Variants in PPIA observed in about 807,000 individuals in gnomAD.
PPIA encodes the protein peptidyl-prolyl cis-trans isomerase A.
In PPIA, 2 loss-of-function variants were observed where a neutral mutation model predicts 15.3. That is an observed-to-expected ratio of 0.13 (90% CI 0.05 to 0.41). The LOEUF (loss-of-function observed/expected upper bound fraction) is 0.41, where lower values mean the gene tolerates loss of function less well. Among genes scored for constraint, PPIA ranks in the 10% least tolerant of loss-of-function variants. The pLI is 0.99. For missense variants in PPIA, 103 were observed against 210.3 expected, an observed-to-expected ratio of 0.49 and a Z score of 3.16; for synonymous variants, 67 against 73.1, an observed-to-expected ratio of 0.92 and a Z score of 0.43.
At chr7:44,799,346 T>C in intron 2 of PPIA, 46 bp from the exon 3 acceptor site, 2 of 1,599,888 alleles carry the variant, frequency 1.3e-6, no homozygotes, top group Non-Finnish European at 1.7e-6. Flanking sequence ...TGTGTATATA[T>C]ATATTTTTAT....
intron 1 of PPIA, among the ~76,000 whole-genome samples, chr7:44,797,157 C>G (rs943961750): frequency 6.6e-6 from 1 of 152,204 alleles, no homozygotes; most frequent in Non-Finnish European, 1.5e-5. Context: ...GCCTGGGCGC[C>G]GCAGACCGGA....
chr7:44,801,189 A>T, intron 4 of PPIA, 98 bp from the exon 5 acceptor site: 2 of 912,904 alleles, frequency 2.2e-6, no homozygotes, highest in East Asian at 1.4e-4. Flanking sequence ...CTTCAGTTAA[A>T]AAAAAAAAAA....
intron 4 of PPIA, chr7:44,800,161 T>C (rs1562771602): frequency 2.3e-6 from 1 of 436,802 alleles, no homozygotes; most frequent in Non-Finnish European, 4.2e-6. Context: ...CAATCTGGGC[T>C]CACTGCAACC....
In PPIA at chr7:44,799,972, C is replaced by G. The variant is rs548855403; in HGVS notation, c.362+98C>G. ...TACTTTTCTTCAACCTTTGCTTCCA[C>G]AGACTTTTTCATCCCTAAGATACTA... On this transcript the variant is annotated intron_variant, in intron 4 of 4. Coordinates refer to ENST00000468812, the MANE Select transcript of PPIA (RefSeq NM_021130.5). 4.2e-5 allele frequency: 52 copies of G among 1,245,138 alleles called. No individual in the cohort carries two copies. The African/African-American group carries it at 6.5e-4, about 16-fold the overall frequency. The allele number at this position is 1,245,138 out of a possible 1,614,324, so 77.1% of individuals were successfully genotyped here. A position where few individuals can be genotyped will look rare whatever the true frequency, so the allele number is the denominator to read the frequency against.
intron 4 of PPIA, among the ~76,000 whole-genome samples, chr7:44,800,967 G>A (rs1323645412): frequency 6.6e-6 from 1 of 151,920 alleles, no homozygotes; most frequent in African/African-American, 2.4e-5. Flanking sequence ...ATAGGCACAC[G>A]CCACCATGCC....
chr7:44,800,078 C>T (rs1311406728), intron 4 of PPIA: 2 of 613,504 alleles, frequency 3.3e-6, no homozygotes, highest in Non-Finnish European at 5.5e-6. Flanking sequence ...TGGCCCTTAG[C>T]TGGGTGGTTG....
At chr7:44,799,205 C>T (rs746149212) in intron 1 of PPIA, 42 bp from the exon 2 acceptor site, 251 of 1,604,216 alleles carry the variant, frequency 1.6e-4, no homozygotes, top group Non-Finnish European at 1.9e-4. Flanking sequence ...TACTAAGCAA[C>T]AAAATAAGCA....
intron 4 of PPIA, among the ~76,000 whole-genome samples, chr7:44,800,859 C>T (rs535135235): frequency 6.6e-6 from 1 of 152,038 alleles, no homozygotes; most frequent in Non-Finnish European, 1.5e-5. Flanking sequence ...GCTCTGTCGC[C>T]CAGGCTGGAG....
Position 44,799,713 on chromosome 7 carries a change from C to G in PPIA, c.201C>G (p.Phe67Leu). Residue 67 changes from phenylalanine (F) to leucine (L), a missense_variant, in exon 4 of 5, where the codon TTC (phenylalanine) becomes TTG (leucine). Phe to Leu is a conservative substitution (Grantham distance 22). Coordinates refer to ENST00000468812, the MANE Select transcript of PPIA (RefSeq NM_021130.5). ...IPGFMCQGGDFTRHNGTGGKS... is the reference protein window; with the variant it reads ...IPGFMCQGGDLTRHNGTGGKS... Reference sequence around the variant, plus strand: ...CTATATGTTGACAGGGTGGTGACTTCACACGCCATAATGGCACTGGTGGCA... The same window carrying G: ...CTATATGTTGACAGGGTGGTGACTTGACACGCCATAATGGCACTGGTGGCA... The G allele has an allele frequency of 6.2e-7, 1 of 1,613,968 alleles. No homozygotes were observed. The highest frequency in any genetic ancestry group is 8.5e-7 in the Non-Finnish European group (1 of 1,179,890).
chr7:44,801,880 T>C lies in PPIA; in HGVS notation c.*458T>C, dbSNP rs1331749511. ...CTGAGGGTAGGAGTCAAGATCAGCC[T>C]GGGCAACATAGTGAGACGCTGTCTC... On this transcript the variant is annotated 3_prime_UTR_variant, in exon 5 of 5. Coordinates refer to ENST00000468812, the MANE Select transcript of PPIA (RefSeq NM_021130.5). The C allele has an allele frequency of 5.8e-6, 1 of 171,034 alleles. No individual in the cohort carries two copies. The highest frequency in any genetic ancestry group is 2.4e-5 in the African/African-American group (1 of 41,544). The allele number at this position is 171,034 out of a possible 1,614,324, so 10.6% of individuals were successfully genotyped here. A position where few individuals can be genotyped will look rare whatever the true frequency, so the allele number is the denominator to read the frequency against.
chr7:44,799,660 G>A, intron 3 of PPIA, 42 bp from the exon 4 acceptor site: 1 of 1,611,648 alleles, frequency 6.2e-7, no homozygotes, highest in Non-Finnish European at 8.5e-7. Context: ...CACACTTCAT[G>A]GTTATGTTGT....
Position 44,801,873 on chromosome 7 carries a change from A to T in PPIA, c.*451A>T, listed in dbSNP as rs1460689190. On this transcript the variant is annotated 3_prime_UTR_variant, in exon 5 of 5. Transcript: ENST00000468812. ...AGACCACCTGAGGGTAGGAGTCAAG[A>T]TCAGCCTGGGCAACATAGTGAGACG... 1 of 173,512 alleles carries T rather than the reference A, an allele frequency of 5.8e-6. No homozygotes were observed. Among genetic ancestry groups the T allele is most frequent in the Non-Finnish European group, 1.2e-5 (1 of 81,758 alleles). The allele number at this position is 173,512 out of a possible 1,614,324, so 10.7% of individuals were successfully genotyped here. A position where few individuals can be genotyped will look rare whatever the true frequency, so the allele number is the denominator to read the frequency against.
At chr7:44,796,916 T>A (rs1792385182) in intron 1 of PPIA, 123 bp downstream of exon 1, 1 of 1,090,670 alleles carries the variant, frequency 9.2e-7, no homozygotes, top group African/African-American at 1.7e-5. Context: ...GCGGGCGGGC[T>A]GCGGCGCCAT....
intron 1 of PPIA, among the ~76,000 whole-genome samples, chr7:44,797,232 G>A (rs1248968845): frequency 6.6e-6 from 1 of 152,190 alleles, no homozygotes; most frequent in African/African-American, 2.4e-5. Context: ...GGCAGGCATG[G>A]GTGCTTTACA....
chr7:44,797,003 G>A (rs552782626), intron 1 of PPIA, among the ~76,000 whole-genome samples: 2 of 152,262 alleles, frequency 1.3e-5, no homozygotes, highest in South Asian at 4.1e-4. Context: ...AAAGGCAGGC[G>A]GGGCGGCTGC....
intron 3 of PPIA, 40 bp downstream of exon 3, chr7:44,799,520 C>G: frequency 6.2e-7 from 1 of 1,600,416 alleles, no homozygotes; most frequent in Non-Finnish European, 8.5e-7. Context: ...TGGGTTGCTC[C>G]CTTCATTTGG....
chr7:44,801,203 G>T, intron 4 of PPIA, 84 bp from the exon 5 acceptor site: 5 of 1,359,376 alleles, frequency 3.7e-6, no homozygotes, highest in Non-Finnish European at 2.0e-6. Flanking sequence ...AAAAAAAAAA[G>T]CTACCTTTCT....
rs1792567168 is a variant in PPIA at position 44,801,703 on chromosome 7, T to C, written c.*281T>C. The C allele has an allele frequency of 3.1e-6, 1 of 323,984 alleles. No homozygotes were observed. Among genetic ancestry groups the C allele is most frequent in the South Asian group, 3.3e-5 (1 of 30,198 alleles). 20.1% of individuals were successfully genotyped at this position (323,984 alleles called of 1,614,324 possible). ...TAATGGGTTACTTCTGAAACATCAC[T>C]TGTTTGCTTAATTCTACACAGTACT... On this transcript the variant is annotated 3_prime_UTR_variant, in exon 5 of 5. Transcript: ENST00000468812.
At chr7:44,800,082 G>A (rs778882742) in intron 4 of PPIA, 16 of 600,116 alleles carry the variant, frequency 2.7e-5, no homozygotes, top group Non-Finnish European at 3.7e-5. Flanking sequence ...CCTTAGCTGG[G>A]TGGTTGAATT....
Sources: allele counts gnomAD v4.1 joint callset (sites outside exome capture counted in the v4.1 genomes callset), GRCh38; gene constraint gnomAD v4.1.1; transcripts MANE v1.5; gene names NCBI Gene and HGNC (gene_info 2026-07-23, HGNC 2026-07-21).